The following CAMTA1 variants were observed in gnomAD, a reference collection of about 807,000 sequenced individuals.
CAMTA1 encodes calmodulin binding transcription activator 1.
Under a neutral mutation model 170.9 loss-of-function variants are expected in CAMTA1, and 27 were observed. The ratio of observed to expected loss-of-function variants is 0.16; its 90% CI spans 0.12 to 0.22. The LOEUF (loss-of-function observed/expected upper bound fraction) is 0.22. Among genes scored for constraint, CAMTA1 ranks in the 10% least tolerant of loss-of-function variants. CAMTA1 has a pLI of 1.00. For synonymous variants in CAMTA1, 833 were observed against 891.5 expected, an observed-to-expected ratio of 0.93 and a Z score of 1.17; for missense variants, 1,619 against 2,217.2, an observed-to-expected ratio of 0.73 and a Z score of 5.42.
chr1:7,231,348 TGTGA>T (rs1183250143), intron 4 of CAMTA1, among the ~76,000 whole-genome samples: 4 of 141,304 alleles, frequency 2.8e-5, no homozygotes, highest in Non-Finnish European at 6.2e-5. Context: ...TGTGTGTGTG[TGTGA>T]GAGAGAGAGA....
At chr1:7,744,740 T>G (rs573824722) in intron 16 of CAMTA1, 95 bp from the exon 17 acceptor site, 1 of 1,040,694 alleles carries the variant, frequency 9.6e-7, no homozygotes, top group Non-Finnish European at 1.4e-6. Flanking sequence ...CCTGCCTGAT[T>G]ATTTTTTTCT....
rs150561023 is a variant in CAMTA1, at chr1:7,691,094, T to C, written c.2914+13361T>C. Among the ~76,000 whole-genome samples the C allele has an allele frequency of 3.0e-3, 456 of 152,234 alleles. 3 individuals are homozygous for C. The highest frequency in any genetic ancestry group is 0.01 in the South Asian group (49 of 4,814). ...CACCTGTCTTCGCACAAACAAGCATTTGGGGACCTTATGATGGAGGATGGT... is the reference window on the plus strand; with the variant it reads ...CACCTGTCTTCGCACAAACAAGCATCTGGGGACCTTATGATGGAGGATGGT... On this transcript the variant is annotated intron_variant, in intron 11 of 22. Coordinates refer to ENST00000303635, the MANE Select transcript of CAMTA1 (RefSeq NM_015215.4).
chr1:6,919,930 T>C (rs1681638612), intron 3 of CAMTA1, among the ~76,000 whole-genome samples: 1 of 151,868 alleles, frequency 6.6e-6, no homozygotes, highest in South Asian at 2.1e-4. Context: ...TTATGGGAGC[T>C]ACAAGATGAG....
intron 5 of CAMTA1, among the ~76,000 whole-genome samples, chr1:7,296,984 C>G (rs1340373486): frequency 6.6e-6 from 1 of 152,018 alleles, no homozygotes; most frequent in Non-Finnish European, 1.5e-5. Context: ...GAGGGGCTTC[C>G]AAGAAGGAGG....
At position 7,665,212 on chromosome 1, in the gene CAMTA1, C is replaced by T. The variant is rs754253006; in HGVS notation, c.2652+13C>T. 1.3e-5 allele frequency: 18 copies of T among 1,431,056 alleles called. No homozygotes were observed. The highest frequency in any genetic ancestry group is 4.3e-5 in the African/African-American group (3 of 69,832). The allele number at this position is 1,431,056 out of a possible 1,614,324, so 88.6% of individuals were successfully genotyped here. On this transcript the variant is annotated intron_variant, in intron 9 of 22. Transcript: ENST00000303635. This position sits in a 1 kb window ranked among gnomAD's most constrained non-coding sequence, Gnocchi z 4.3. ...GTCTTACCCAGAGGTAAGCTGCCGC[C>T]GCTGCCACCACCTGTCACCTCCCCT...
At position 7,642,534 on chromosome 1, in the gene CAMTA1, G is replaced by A. The variant is rs1220642226; in HGVS notation, c.664+1981G>A. ...TACATAGGGGGCACCTCACTATGCA[G>A]GGCTGGCACCGGACACTGGGTCCTG... On this transcript the variant is annotated intron_variant, in intron 7 of 22. Transcript: ENST00000303635. The surrounding 1 kb of genome is among the most constrained non-coding windows in gnomAD (Gnocchi z 6.3). Among the ~76,000 whole-genome samples, 7 of 152,180 alleles carry A rather than the reference G, an allele frequency of 4.6e-5. No homozygotes were observed. Among genetic ancestry groups the A allele is most frequent in the Non-Finnish European group, 7.4e-5 (5 of 67,996 alleles).
At chr1:7,466,131 A>G (rs1400041828) in intron 5 of CAMTA1, among the ~76,000 whole-genome samples, 1 of 152,206 alleles carries the variant, frequency 6.6e-6, no homozygotes, top group Non-Finnish European at 1.5e-5. Context: ...TTGCTTGTTC[A>G]TTGCAACCAA....
At chr1:7,034,486 C>A (rs927148260) in intron 3 of CAMTA1, among the ~76,000 whole-genome samples, 1 of 152,216 alleles carries the variant, frequency 6.6e-6, no homozygotes, top group African/African-American at 2.4e-5. Context: ...AAAGGTGTTA[C>A]AAGGCCTGAG....
At chr1:6,938,492 C>T (rs1410030670) in intron 3 of CAMTA1, among the ~76,000 whole-genome samples, 2 of 152,268 alleles carry the variant, frequency 1.3e-5, no homozygotes, top group East Asian at 3.9e-4. Flanking sequence ...GGGAGGGATG[C>T]GTCTGGGGCT....
chr1:7,261,823 A>T (rs1170337358), intron 5 of CAMTA1, among the ~76,000 whole-genome samples: 3 of 152,240 alleles, frequency 2.0e-5, no homozygotes, highest in Non-Finnish European at 4.4e-5. Flanking sequence ...GCGTTGTCTG[A>T]TAGCTTGAGT....
At chr1:7,277,469 G>GTGTGTA (rs1553119351) in intron 5 of CAMTA1, among the ~76,000 whole-genome samples, 7 of 150,838 alleles carry the variant, frequency 4.6e-5, no homozygotes, top group Non-Finnish European at 7.4e-5. Flanking sequence ...GTGTGTGTGT[G>GTGTGTA]TGTGTGTGTG....
intron 4 of CAMTA1, among the ~76,000 whole-genome samples, chr1:7,239,804 T>A (rs965104762): frequency 6.6e-6 from 1 of 151,914 alleles, no homozygotes; most frequent in Admixed American, 6.6e-5. Flanking sequence ...GCATGGCGCC[T>A]TGTGAGGGCC....
chr1:7,685,625 A>G lies in CAMTA1; in HGVS notation c.2914+7892A>G, dbSNP rs765001692. On this transcript the variant is annotated intron_variant, in intron 11 of 22. Coordinates refer to ENST00000303635, the MANE Select transcript of CAMTA1 (RefSeq NM_015215.4). This position sits in a 1 kb window ranked among gnomAD's most constrained non-coding sequence, Gnocchi z 5.7. ...TTCCAAAATTCTCTGTCATGTCCCC[A>G]TGGCCGGCTCTCTCCTGACTACTCT... 2.0e-5 allele frequency among the ~76,000 whole-genome samples: 3 copies of G among 152,068 alleles called. No homozygotes were observed. Among genetic ancestry groups the G allele is most frequent in the Non-Finnish European group, 4.4e-5 (3 of 68,016 alleles).
In CAMTA1 at chr1:7,242,050, A is replaced by G. The variant is rs140845929; in HGVS notation, c.303-7441A>G. Among the ~76,000 whole-genome samples the G allele has an allele frequency of 5.0e-3, 754 of 152,320 alleles. 15 individuals carry two copies. The highest frequency in any genetic ancestry group is 0.039 in the Admixed American group (589 of 15,298). ...TTGGGAGAAAGTATTTGCAAATCATATGTCTGATAAAGGACTTGTATCTAG... is the reference window on the plus strand; with the variant it reads ...TTGGGAGAAAGTATTTGCAAATCATGTGTCTGATAAAGGACTTGTATCTAG... On this transcript the variant is annotated intron_variant, in intron 4 of 22. Coordinates refer to ENST00000303635, the MANE Select transcript of CAMTA1 (RefSeq NM_015215.4).
At chr1:7,017,843 A>G (rs1700773970) in intron 3 of CAMTA1, among the ~76,000 whole-genome samples, 2 of 152,188 alleles carry the variant, frequency 1.3e-5, no homozygotes, top group African/African-American at 4.8e-5. Context: ...AGTGGAGAGT[A>G]AGGGGCTCAC....
chr1:7,542,396 C>T lies in CAMTA1; in HGVS notation c.510+74495C>T, dbSNP rs72643914. Among the ~76,000 whole-genome samples, 273 of 152,092 alleles carry T rather than the reference C, an allele frequency of 1.8e-3. 3 individuals are homozygous for T. Among genetic ancestry groups the T allele is most frequent in the Non-Finnish European group, 3.0e-3 (207 of 67,998 alleles). ...TACCATTGTATAAAAGCATTTCCCC[C>T]GTCATTCACTGTTTCTCAAAACATA... On this transcript the variant is annotated intron_variant, in intron 6 of 22. Transcript: ENST00000303635.
intron 5 of CAMTA1, among the ~76,000 whole-genome samples, chr1:7,265,163 C>G (rs1034310328): frequency 6.6e-6 from 1 of 152,136 alleles, no homozygotes; most frequent in Non-Finnish European, 1.5e-5. Flanking sequence ...TGAACTGTTC[C>G]TGCGCTGTCC....
intron 6 of CAMTA1, among the ~76,000 whole-genome samples, chr1:7,601,919 G>A (rs886283062): frequency 1.3e-5 from 2 of 151,310 alleles, no homozygotes; most frequent in Admixed American, 6.6e-5. Flanking sequence ...TCGGCATCAG[G>A]AGGAGACCGT....
chr1:7,270,264 CACACACACACAT>C (rs1256803731), intron 5 of CAMTA1, among the ~76,000 whole-genome samples: 58 of 39,476 alleles, frequency 1.5e-3, no homozygotes, highest in African/African-American at 2.6e-3. Context: ...CACACACACA[CACACACACACAT>C]ATATATATAT....
Sources: allele counts gnomAD v4.1 joint callset (sites outside exome capture counted in the v4.1 genomes callset), GRCh38; gene constraint gnomAD v4.1.1; non-coding constraint Gnocchi (gnomAD v3.1); transcripts MANE v1.5; gene names NCBI Gene and HGNC (gene_info 2026-07-23, HGNC 2026-07-21).